ETV1: variants seen among roughly 807,000 people sequenced by gnomAD.
The protein encoded by ETV1 is ETS variant transcription factor 1, also known as ETS translocation variant 1.
A neutral mutation model predicts 62.3 loss-of-function variants in ETV1; 27 were observed. That is an observed-to-expected ratio of 0.43 (90% CI 0.32 to 0.60). The LOEUF (loss-of-function observed/expected upper bound fraction) is 0.60, where lower values mean the gene tolerates loss of function less well. Ranked by LOEUF, ETV1 falls within the 20% of genes least tolerant of loss-of-function variation. The pLI is 0.06. For missense variants in ETV1, 605 were observed against 605.8 expected (o/e 1.00, Z 0.01); for synonymous variants, 222 against 199.6 (o/e 1.11, Z -0.94).
chr7:13,973,654 T>A (rs1781120576), intron 6 of ETV1, among the ~76,000 whole-genome samples: 1 of 152,112 alleles, frequency 6.6e-6, no homozygotes, highest in East Asian at 1.9e-4. Context: ...CTTTTTTTTT[T>A]AAATTAGGCG....
At chr7:13,953,112 G>A (rs905099440) in intron 6 of ETV1, among the ~76,000 whole-genome samples, 2 of 152,128 alleles carry the variant, frequency 1.3e-5, no homozygotes, top group Non-Finnish European at 2.9e-5. Flanking sequence ...AAAGCAGCAC[G>A]ACACTATTTT....
chr7:13,964,516 A>T (rs1299254652), intron 6 of ETV1, among the ~76,000 whole-genome samples: 1 of 152,174 alleles, frequency 6.6e-6, no homozygotes, highest in Non-Finnish European at 1.5e-5. Context: ...ATCATACTTA[A>T]TGTGAAAAAT....
chr7:13,918,888 AAG>A (rs1491014910), intron 9 of ETV1, among the ~76,000 whole-genome samples: 8 of 151,274 alleles, frequency 5.3e-5, no homozygotes, highest in African/African-American at 1.9e-4. Flanking sequence ...AAAAAAAAAA[AAG>A]AAGTTCAGCA....
In ETV1 at chr7:13,989,270, G is replaced by A; in HGVS notation, c.-90C>T. The A allele has an allele frequency of 1.8e-6, 1 of 544,952 alleles. No homozygotes were observed. Among genetic ancestry groups the A allele is most frequent in the Non-Finnish European group, 3.2e-6 (1 of 309,388 alleles). The allele number at this position is 544,952 out of a possible 1,614,324, so 33.8% of individuals were successfully genotyped here. A position where few individuals can be genotyped will look rare whatever the true frequency, so the allele number is the denominator to read the frequency against. On this transcript the variant is annotated splice_region_variant and 5_prime_UTR_variant, in exon 2 of 14. Transcript: ENST00000430479. ...CCTCCCTACACCGCCTCCTTCACCTGGATCCAAAGAGAGCCAACAGAGTTC... is the reference window on the plus strand; with the variant it reads ...CCTCCCTACACCGCCTCCTTCACCTAGATCCAAAGAGAGCCAACAGAGTTC...
At position 13,931,514 on chromosome 7, in the gene ETV1, C is replaced by T. The variant is rs770085059; in HGVS notation, c.790G>A (p.Ala264Thr). ...LMIKQEPRDFAYDSEVPSCHS... is the reference protein window; with the variant it reads ...LMIKQEPRDFTYDSEVPSCHS... ...AGCGCAGGCCTACCTGAGTCATATG[C>T]AAAATCTCTGGGTTCCTGTTTAATC... is the stretch of plus-strand genomic sequence containing the variant. The change falls in exon 9 of 14, where the codon GCA becomes ACA. Residue 264 changes from alanine (A) to threonine (T), a missense_variant. By Grantham distance (58) the Ala-to-Thr change is moderately conservative. Around this residue, in one of 3 missense-constraint regions of ETV1, gnomAD observed 426 missense variants for 377.8 expected, o/e 1.13. Coordinates refer to ENST00000430479, the MANE Select transcript of ETV1 (RefSeq NM_004956.5). The T allele has an allele frequency of 1.9e-6, 3 of 1,613,992 alleles. No homozygotes were observed. In the South Asian group the frequency reaches 3.3e-5, roughly 18 times the overall value.
rs1015381611 is a variant in ETV1 at position 13,988,072 on chromosome 7, A to G, written c.133+14T>C. On this transcript the variant is annotated intron_variant, in intron 4 of 13. Coordinates refer to ENST00000430479, the MANE Select transcript of ETV1 (RefSeq NM_004956.5). ...GGTAAAAAAATGGGGATTCAGCCCA[A>G]AATCAAACCTCACCTTCTGAATCAT... 6.4e-7 allele frequency: 1 copy of G among 1,572,996 alleles called. No individual in the cohort carries two copies. Among genetic ancestry groups the G allele is most frequent in the Non-Finnish European group, 8.8e-7 (1 of 1,142,518 alleles).
chr7:13,920,564 A>C (rs1784735001), intron 9 of ETV1, among the ~76,000 whole-genome samples: 1 of 152,126 alleles, frequency 6.6e-6, no homozygotes, highest in Non-Finnish European at 1.5e-5. Context: ...CCTAGGGATC[A>C]ATCAGTCATG....
At chr7:13,931,849 C>T (rs1292612905) in intron 8 of ETV1, 100 bp from the exon 9 acceptor site, 54 of 1,395,282 alleles carry the variant, frequency 3.9e-5, no homozygotes, top group Non-Finnish European at 4.9e-5. Flanking sequence ...AACATGATAC[C>T]AGCTGACCTG....
chr7:13,986,216 A>T, intron 5 of ETV1: 1 of 1,564,830 alleles, frequency 6.4e-7, no homozygotes, highest in Non-Finnish European at 8.7e-7. Context: ...TTCTGCCATC[A>T]GAAAAGTCCT....
In ETV1 at chr7:13,900,841, T is replaced by C; in HGVS notation, c.1111-2A>G. The C allele has an allele frequency of 6.3e-7, 1 of 1,596,142 alleles. No homozygotes were observed. Among genetic ancestry groups the C allele is most frequent in the Non-Finnish European group, 8.6e-7 (1 of 1,168,846 alleles). ...CTGAATGCCCCAACGTCGGGCCACC[T>C]GCCGCGAAACAGAATTACATTGTAG... On this transcript the variant is annotated splice_acceptor_variant, in intron 12 of 13. Transcript: ENST00000430479. LOFTEE classifies it high-confidence loss of function.
At chr7:13,899,291 G>C (rs1782163857) in intron 13 of ETV1, among the ~76,000 whole-genome samples, 1 of 152,186 alleles carries the variant, frequency 6.6e-6, no homozygotes. Context: ...CCAGGGTTGA[G>C]ATGAAAAAGA....
chr7:13,957,778 A>G (rs1456424002), intron 6 of ETV1, among the ~76,000 whole-genome samples: 1 of 152,210 alleles, frequency 6.6e-6, no homozygotes, highest in Non-Finnish European at 1.5e-5. Context: ...ACTCCTTTGT[A>G]ATTGATAGTT....
chr7:13,893,690 G>A lies in ETV1; in HGVS notation c.*2176C>T, dbSNP rs1781535908. 1 of 232,622 alleles carries A rather than the reference G, an allele frequency of 4.3e-6. No individual in the cohort carries two copies. Among genetic ancestry groups the A allele is most frequent in the Non-Finnish European group, 8.5e-6 (1 of 117,500 alleles). 14.4% of individuals were successfully genotyped at this position (232,622 alleles called of 1,614,324 possible). On this transcript the variant is annotated 3_prime_UTR_variant, in exon 14 of 14. Transcript: ENST00000430479. ...GTTTTCATTCAGAATATATTTTAAA[G>A]ACTCACTTAAATTTTCTCCTTCAAT... is the stretch of plus-strand genomic sequence containing the variant.
Position 13,981,534 on chromosome 7 carries a change from T to TAC in ETV1, c.182-4055_182-4054insGT, listed in dbSNP as rs1447504131. Among the ~76,000 whole-genome samples the TAC allele has an allele frequency of 0.014, 1,815 of 133,988 alleles. 54 individuals are homozygous for TAC. In the East Asian group the frequency reaches 0.14, roughly 11 times the overall value. 87.9% of individuals were successfully genotyped at this position (133,988 alleles called of 152,430 possible). ...ATACATACATACATACATACATACA[T>TAC]ATATATATATACACACACACAAATA... On this transcript the variant is annotated intron_variant, in intron 5 of 13. Transcript: ENST00000430479.
At chr7:13,917,933 C>T (rs908643898) in intron 9 of ETV1, among the ~76,000 whole-genome samples, 2 of 151,794 alleles carry the variant, frequency 1.3e-5, no homozygotes, top group African/African-American at 2.4e-5. Flanking sequence ...CACTGCACTC[C>T]AGCCTGGGAG....
intron 5 of ETV1, chr7:13,986,018 A>G: frequency 6.0e-6 from 6 of 1,001,588 alleles, no homozygotes; most frequent in Non-Finnish European, 7.4e-6. Flanking sequence ...AATTTCAGCA[A>G]ACATAACATG....
rs537187152 is a variant in ETV1 at position 13,923,413 on chromosome 7, C to A, written c.802+8089G>T. Among the ~76,000 whole-genome samples the A allele has an allele frequency of 4.6e-5, 7 of 152,266 alleles. No homozygotes were observed. The South Asian group carries it at 1.5e-3, about 32-fold the overall frequency. On this transcript the variant is annotated intron_variant, in intron 9 of 13. Transcript: ENST00000430479. ...ACAATATAAAAACATTCCTCTCTTG[C>A]CATTTCAGAAACCCAAGAGTATTTA...
intron 5 of ETV1, among the ~76,000 whole-genome samples, chr7:13,983,220 C>G (rs979741285): frequency 2.0e-5 from 3 of 151,874 alleles, no homozygotes; most frequent in Non-Finnish European, 1.5e-5. Context: ...AACATCTAGA[C>G]CGGAAACAAA....
At chr7:13,950,099 A>G (rs1401171622) in intron 6 of ETV1, among the ~76,000 whole-genome samples, 1 of 152,146 alleles carries the variant, frequency 6.6e-6, no homozygotes, top group Non-Finnish European at 1.5e-5. Context: ...AGATATGATT[A>G]AGGTTTCAGG....
Sources: gnomAD v4.1 joint callset for allele counts (sites outside exome capture counted in the v4.1 genomes callset) on GRCh38, gnomAD v4.1.1 for gene constraint, gnomAD v4.1.1 regional missense constraint, MANE v1.5 for transcripts, NCBI Gene and HGNC (gene_info 2026-07-23, HGNC 2026-07-21) for gene names.